The following ZNF846 variants were observed in gnomAD, a reference collection of about 807,000 sequenced individuals.
The protein encoded by ZNF846 is zinc finger protein 846.
In ZNF846, 15 loss-of-function variants were observed where a neutral mutation model predicts 16.0. The observed-to-expected ratio is 0.94, with a 90% CI of 0.63 to 1.45. ZNF846 has a LOEUF of 1.45. Among genes scored for constraint, ZNF846 ranks in the 40% most tolerant of loss-of-function variants. The pLI is 0.00. For synonymous variants in ZNF846, 229 were observed against 212.0 expected (o/e 1.08, Z -0.70); for missense variants, 714 against 622.3 (o/e 1.15, Z -1.57).
intron 1 of ZNF846, 42 bp from the exon 2 acceptor site, chr19:9,765,077 G>A: frequency 9.2e-7 from 1 of 1,082,744 alleles, no homozygotes. Flanking sequence ...ATACATCAAA[G>A]AAAAAGTATT....
chr19:9,769,903 C>T (rs1342450765), upstream of ZNF846, among the ~76,000 whole-genome samples: 1 of 151,576 alleles, frequency 6.6e-6, no homozygotes, highest in African/African-American at 2.4e-5. Flanking sequence ...ATTGCTTGAA[C>T]CTAGGAGACT....
At chr19:9,766,484 C>A (rs187781992) in intron 1 of ZNF846, among the ~76,000 whole-genome samples, 8 of 151,224 alleles carry the variant, frequency 5.3e-5, no homozygotes, top group African/African-American at 1.7e-4. Context: ...TTGGGTTGTT[C>A]CTAATTTAGG....
At chr19:9,754,981 T>C (rs929640580), downstream of ZNF846, among the ~76,000 whole-genome samples, 1 of 151,358 alleles carries the variant, frequency 6.6e-6, no homozygotes, top group Non-Finnish European at 1.5e-5. Flanking sequence ...TCCTCCTGCC[T>C]CAGCCTCTCA....
At chr19:9,769,873 C>T (rs374623967), upstream of ZNF846, among the ~76,000 whole-genome samples, 5 of 151,088 alleles carry the variant, frequency 3.3e-5, no homozygotes, top group African/African-American at 1.2e-4. Context: ...CCCAGCTACT[C>T]GAGAGGCTGA....
downstream of ZNF846, among the ~76,000 whole-genome samples, chr19:9,749,532 C>T (rs1013878164): frequency 1.3e-5 from 2 of 150,482 alleles, no homozygotes; most frequent in South Asian, 2.1e-4. Flanking sequence ...ATTCTCCTAT[C>T]CTGATAAGTC....
intron 5 of ZNF846, 73 bp downstream of exon 5, chr19:9,759,787 T>G (rs545552406): frequency 1.7e-6 from 2 of 1,199,854 alleles, no homozygotes; most frequent in South Asian, 2.7e-5. Flanking sequence ...AAATGCCATT[T>G]TCCTCATATA....
upstream of ZNF846, among the ~76,000 whole-genome samples, chr19:9,773,309 G>C (rs1269417026): frequency 6.6e-6 from 1 of 152,104 alleles, no homozygotes; most frequent in Non-Finnish European, 1.5e-5. Flanking sequence ...CTATAGGCGT[G>C]CAACACCACA....
intron 1 of ZNF846, among the ~76,000 whole-genome samples, chr19:9,783,967 T>C (rs1276791146): frequency 2.6e-5 from 4 of 152,152 alleles, no homozygotes; most frequent in African/African-American, 7.2e-5. Context: ...CCTCCCAAAG[T>C]GTTGGGACTG....
At chr19:9,766,584 G>A (rs2045319250) in intron 1 of ZNF846, among the ~76,000 whole-genome samples, 2 of 151,082 alleles carry the variant, frequency 1.3e-5, no homozygotes, top group Admixed American at 1.3e-4. Flanking sequence ...AGTTGTCACT[G>A]TTTTAAAATG....
At chr19:9,783,294 G>A (rs545504816) in intron 1 of ZNF846, among the ~76,000 whole-genome samples, 8 of 124,140 alleles carry the variant, frequency 6.4e-5, no homozygotes, top group East Asian at 4.7e-4. Context: ...GCAGTAGCAC[G>A]ATCTCAGCTC....
At chr19:9,775,193 ATGTG>A (rs113690294) in intron 1 of ZNF846, among the ~76,000 whole-genome samples, 75 of 149,520 alleles carry the variant, frequency 5.0e-4, no homozygotes, top group Non-Finnish European at 9.8e-4. Context: ...GTGTATATAT[ATGTG>A]TGTGTGTGTG....
downstream of ZNF846, among the ~76,000 whole-genome samples, chr19:9,750,805 T>C (rs1268204043): frequency 2.6e-5 from 4 of 152,204 alleles, no homozygotes; most frequent in East Asian, 7.7e-4. Context: ...ATTACAGATA[T>C]ATCACAATCT....
chr19:9,765,019 G>C, exon 2 of ZNF846: 1 of 1,568,934 alleles, frequency 6.4e-7, no homozygotes, highest in Admixed American at 1.7e-5. Flanking sequence ...GACAGAAAGT[G>C]TCCTGGAAAA....
chr19:9,767,446 T>G (rs1397036322), intron 1 of ZNF846, among the ~76,000 whole-genome samples: 1 of 80,824 alleles, frequency 1.2e-5, no homozygotes, highest in Admixed American at 1.1e-4. Context: ...CAATACACAT[T>G]GATCTACACA....
At chr19:9,752,410 C>A (rs2045091417) in exon 6 of ZNF846, 3 of 380,650 alleles carry the variant, frequency 7.9e-6, no homozygotes, top group South Asian at 1.9e-5. Flanking sequence ...GAGTTTGACA[C>A]CAGCCTGGAC....
exon 6 of ZNF846, chr19:9,758,205 A>G (rs747534864): frequency 6.2e-7 from 1 of 1,613,192 alleles, no homozygotes; most frequent in South Asian, 1.1e-5. Context: ...AGAATGGGTG[A>G]AGGCTTTCCC....
chr19:9,760,393 A>G (rs894743674), intron 4 of ZNF846, among the ~76,000 whole-genome samples: 2 of 151,576 alleles, frequency 1.3e-5, no homozygotes, highest in Non-Finnish European at 2.9e-5. Context: ...ATAAGTTCAG[A>G]AAACCTATCA....
exon 5 of ZNF846, chr19:9,759,885 T>C (rs1315263024): frequency 6.2e-7 from 1 of 1,613,024 alleles, no homozygotes; most frequent in Non-Finnish European, 8.5e-7. Flanking sequence ...TGGTGATCTT[T>C]CTGCAGAAAT....
chr19:9,754,928 C>A (rs1025491977), downstream of ZNF846, among the ~76,000 whole-genome samples: 2 of 150,660 alleles, frequency 1.3e-5, no homozygotes, highest in African/African-American at 2.5e-5. Flanking sequence ...TCCAATGGTG[C>A]GATTTCGAGT....
Sources: allele counts gnomAD v4.1 joint callset (sites outside exome capture counted in the v4.1 genomes callset), GRCh38; gene constraint gnomAD v4.1.1; transcripts MANE v1.5; gene names NCBI Gene and HGNC (gene_info 2026-07-23, HGNC 2026-07-21).